The following CRYBG1 variants were observed in gnomAD, a reference collection of about 807,000 sequenced individuals.
CRYBG1 encodes the protein beta/gamma crystallin domain-containing protein 1.
CRYBG1 carries 139 observed loss-of-function variants against 189.2 expected under a neutral mutation model. That is an observed-to-expected ratio of 0.73 (90% CI 0.64 to 0.85). CRYBG1 has a LOEUF of 0.85. Ranked by LOEUF, CRYBG1 falls within the 40% of genes least tolerant of loss-of-function variation. The probability of loss-of-function intolerance (pLI) is 0.00; values close to 1 mark genes in which losing one functional copy is unlikely to be tolerated. For synonymous variants in CRYBG1, 1,023 were observed against 1,017.1 expected (o/e 1.01, Z -0.11); for missense variants, 2,611 against 2,675.8 (o/e 0.98, Z 0.53).
chr6:106,453,857 A>G (rs1399262375), intron 2 of CRYBG1, among the ~76,000 whole-genome samples: 1 of 152,192 alleles, frequency 6.6e-6, no homozygotes, highest in East Asian at 1.9e-4. Context: ...TACCTGGGAG[A>G]GGCGGAGGCT....
At chr6:106,377,201 T>C (rs1438708767) in intron 1 of CRYBG1, among the ~76,000 whole-genome samples, 1 of 152,184 alleles carries the variant, frequency 6.6e-6, no homozygotes, top group African/African-American at 2.4e-5. Flanking sequence ...TGCCTATCCA[T>C]ACATACAGTC....
intron 1 of CRYBG1, among the ~76,000 whole-genome samples, chr6:106,382,627 A>T (rs906078134): frequency 1.3e-5 from 2 of 152,172 alleles, no homozygotes; most frequent in Non-Finnish European, 1.5e-5. Context: ...ATAAAAATCA[A>T]ATTTTCTACC....
chr6:106,476,318 G>A (rs577215317), intron 2 of CRYBG1, among the ~76,000 whole-genome samples: 4 of 152,150 alleles, frequency 2.6e-5, no homozygotes, highest in East Asian at 1.9e-4. Flanking sequence ...GTTTGTTCTC[G>A]GGATGATCCT....
At position 106,519,215 on chromosome 6, in the gene CRYBG1, C is replaced by T. The variant is rs1291074852; in HGVS notation, c.2007C>T (p.Ser669=). The change falls in exon 4 of 22, where the codon AGC becomes AGT. Residue 669 remains serine (S), a synonymous_variant. Coordinates refer to ENST00000633556, the MANE Select transcript of CRYBG1 (RefSeq NM_001371242.2). ...DSLGNEHNPF[S]QPVHKGNTAT... ...TGGGAAATGAGCACAATCCATTTAG[C>T]CAGCCAGTTCACAAAGGCAACACTG... 1 of 1,614,066 alleles carries T rather than the reference C, an allele frequency of 6.2e-7. No individual in the cohort carries two copies. The highest frequency in any genetic ancestry group is 1.3e-5 in the African/African-American group (1 of 75,014).
chr6:106,560,305 C>G (rs989816437), intron 18 of CRYBG1, among the ~76,000 whole-genome samples: 3 of 152,202 alleles, frequency 2.0e-5, no homozygotes, highest in African/African-American at 7.2e-5. Context: ...TGCGCTTAAA[C>G]CCATACTTCC....
chr6:106,368,520 G>A (rs1379799881), intron 1 of CRYBG1, among the ~76,000 whole-genome samples: 1 of 152,154 alleles, frequency 6.6e-6, no homozygotes, highest in African/African-American at 2.4e-5. Context: ...AGCTTAGCAA[G>A]AATGACCAGC....
chr6:106,362,474 T>C (rs1387109931), intron 1 of CRYBG1, among the ~76,000 whole-genome samples: 1 of 152,134 alleles, frequency 6.6e-6, no homozygotes, highest in Non-Finnish European at 1.5e-5. Flanking sequence ...TCAGGGAGGC[T>C]TCCTGGAGGA....
rs151038275 is a variant in CRYBG1 at position 106,564,167 on chromosome 6, A to AAAC, written c.6301+262_6301+264dup. 2.6e-3 allele frequency among the ~76,000 whole-genome samples: 388 copies of AAAC among 151,952 alleles called. 1 individual carries two copies. The highest frequency in any genetic ancestry group is 8.0e-3 in the African/African-American group (331 of 41,446). ...TCTTTTCTCCCCAGTTTTACAGACAAAACAACAACAACAACAACAACAAAA... is the reference window on the plus strand; with the variant it reads ...TCTTTTCTCCCCAGTTTTACAGACAAAACAACAACAACAACAACAACAACAAAA... On this transcript the variant is annotated intron_variant, in intron 21 of 21. Coordinates refer to ENST00000633556, the MANE Select transcript of CRYBG1 (RefSeq NM_001371242.2).
At chr6:106,493,727 C>G (rs751518511) in intron 2 of CRYBG1, among the ~76,000 whole-genome samples, 1 of 152,120 alleles carries the variant, frequency 6.6e-6, no homozygotes, top group Non-Finnish European at 1.5e-5. Flanking sequence ...AACCAAACAC[C>G]GCATGTTCTC....
chr6:106,390,394 T>G (rs1465234136), intron 1 of CRYBG1, among the ~76,000 whole-genome samples: 4 of 151,496 alleles, frequency 2.6e-5, no homozygotes, highest in Admixed American at 2.0e-4. Context: ...TCCCCTTCCC[T>G]CCTCTCTCTC....
intron 2 of CRYBG1, among the ~76,000 whole-genome samples, chr6:106,469,879 T>C (rs1348844041): frequency 6.6e-6 from 1 of 152,334 alleles, no homozygotes; most frequent in South Asian, 2.1e-4. Context: ...CCAAGGCCCA[T>C]GAAGACTCAG....
At chr6:106,568,227 TG>T in intron 21 of CRYBG1, among the ~76,000 whole-genome samples, 1 of 152,270 alleles carries the variant, frequency 6.6e-6, no homozygotes, top group South Asian at 2.1e-4. Flanking sequence ...GCCCGTGAGG[TG>T]GGATGTCCTG....
intron 1 of CRYBG1, among the ~76,000 whole-genome samples, chr6:106,415,958 C>T (rs1771013633): frequency 6.6e-6 from 1 of 152,156 alleles, no homozygotes; most frequent in Non-Finnish European, 1.5e-5. Flanking sequence ...CCCAGTTCCC[C>T]TTGCTCGAGC....
chr6:106,371,926 T>A (rs1770046212), intron 1 of CRYBG1, among the ~76,000 whole-genome samples: 1 of 152,236 alleles, frequency 6.6e-6, no homozygotes. Flanking sequence ...TTAAAAGCTT[T>A]TTTGTATGCC....
At position 106,447,955 on chromosome 6, in the gene CRYBG1, A is replaced by G. The variant is rs570938980; in HGVS notation, c.174-3739A>G. Among the ~76,000 whole-genome samples the G allele has an allele frequency of 2.0e-5, 3 of 152,266 alleles. 1 individual carries two copies. The highest frequency in any genetic ancestry group is 7.2e-5 in the African/African-American group (3 of 41,548). The stretch of plus-strand genomic sequence containing the variant: ...CTCTTGGCACGATTTCAAGTGTATT[A>G]TTTCTGTGTAATACATTGTGAAGGT... On this transcript the variant is annotated intron_variant, in intron 1 of 21. Coordinates refer to ENST00000633556, the MANE Select transcript of CRYBG1 (RefSeq NM_001371242.2).
intron 3 of CRYBG1, among the ~76,000 whole-genome samples, chr6:106,518,176 GC>G (rs1364013096): frequency 1.3e-5 from 2 of 152,078 alleles, no homozygotes; most frequent in Non-Finnish European, 2.9e-5. Context: ...ATTTAATTAT[GC>G]ATATAAAAAG....
At chr6:106,459,002 A>C (rs1045342015) in intron 2 of CRYBG1, among the ~76,000 whole-genome samples, 4 of 152,202 alleles carry the variant, frequency 2.6e-5, no homozygotes, top group African/African-American at 9.6e-5. Context: ...GGGACACTAT[A>C]TCTCATGGCA....
chr6:106,568,416 G>A (rs906489782), intron 21 of CRYBG1, 56 bp from the exon 22 acceptor site: 1 of 1,372,652 alleles, frequency 7.3e-7, no homozygotes, highest in Non-Finnish European at 1.0e-6. Context: ...AATTGTGTCT[G>A]CTATAGACCC....
At chr6:106,514,586 C>A (rs1773376793) in intron 3 of CRYBG1, among the ~76,000 whole-genome samples, 1 of 152,104 alleles carries the variant, frequency 6.6e-6, no homozygotes, top group Non-Finnish European at 1.5e-5. Flanking sequence ...TTATAGAAGA[C>A]CAGTGTGATT....
Sources: gnomAD v4.1 joint callset for allele counts (sites outside exome capture counted in the v4.1 genomes callset) on GRCh38, gnomAD v4.1.1 for gene constraint, MANE v1.5 for transcripts, NCBI Gene and HGNC (gene_info 2026-07-23, HGNC 2026-07-21) for gene names.